LATS2: variants seen among roughly 807,000 people sequenced by gnomAD.
LATS2 encodes the protein serine/threonine-protein kinase LATS2.
Under a neutral mutation model 76.0 loss-of-function variants are expected in LATS2, and 24 were observed. The observed-to-expected ratio is 0.32, with a 90% CI of 0.23 to 0.44. LATS2 has a LOEUF of 0.44. LATS2 is among the 20% of genes least tolerant of loss of function. The pLI is 1.00. For missense variants in LATS2, 1,286 were observed against 1,481.2 expected, an observed-to-expected ratio of 0.87 and a Z score of 2.16; for synonymous variants, 692 against 635.4, an observed-to-expected ratio of 1.09 and a Z score of -1.34.
At chr13:21,038,464 G>A (rs533365406) in intron 2 of LATS2, 1 of 152,130 alleles carries the variant, frequency 6.6e-6, no homozygotes, top group East Asian at 1.9e-4. Context: ...CAGCCGACCA[G>A]ACTGTTGAGA....
intron 2 of LATS2, among the ~76,000 whole-genome samples, chr13:20,999,342 T>C (rs184534140): frequency 1.5e-4 from 23 of 152,352 alleles, no homozygotes; most frequent in Admixed American, 2.6e-4. Context: ...GTACAAACCA[T>C]ACGTCTTTTT....
At chr13:20,990,012 C>G (rs751950050) in intron 3 of LATS2, among the ~76,000 whole-genome samples, 7 of 152,222 alleles carry the variant, frequency 4.6e-5, no homozygotes. Context: ...AACTGCTCCA[C>G]TTGGCTCGGC....
chr13:21,023,712 G>A (rs949136363), intron 2 of LATS2, among the ~76,000 whole-genome samples: 8 of 133,372 alleles, frequency 6.0e-5, no homozygotes. Flanking sequence ...AGTGGCTGAC[G>A]CCTGTAATTC....
chr13:21,009,942 G>A (rs1454392421), intron 2 of LATS2, among the ~76,000 whole-genome samples: 3 of 152,196 alleles, frequency 2.0e-5, no homozygotes, highest in Non-Finnish European at 4.4e-5. Flanking sequence ...GCTCATGCCT[G>A]TAATCCCAGC....
chr13:21,008,174 C>T (rs944343804), intron 2 of LATS2, among the ~76,000 whole-genome samples: 17 of 151,156 alleles, frequency 1.1e-4, no homozygotes, highest in African/African-American at 3.9e-4. Flanking sequence ...CAGTGGTGCT[C>T]GCTGCTGCAT....
intron 1 of LATS2, among the ~76,000 whole-genome samples, chr13:21,050,775 T>G (rs568389410): frequency 1.3e-5 from 2 of 152,232 alleles, no homozygotes; most frequent in Admixed American, 6.5e-5. Context: ...GAAGAGCGAC[T>G]GGCAGAGCCC....
chr13:20,975,479 T>A, intron 7 of LATS2, 115 bp from the exon 8 acceptor site: 1 of 1,095,272 alleles, frequency 9.1e-7, no homozygotes, highest in Non-Finnish European at 1.3e-6. Context: ...GGAGAGGAGT[T>A]AGAATAGACA....
intron 2 of LATS2, among the ~76,000 whole-genome samples, chr13:20,994,684 C>T (rs923329323): frequency 2.0e-5 from 3 of 151,974 alleles, no homozygotes; most frequent in African/African-American, 4.8e-5. Context: ...TGCTTGAGCC[C>T]GGGAGTTTGA....
intron 2 of LATS2, among the ~76,000 whole-genome samples, chr13:21,000,025 A>G (rs1354188492): frequency 6.6e-6 from 1 of 152,116 alleles, no homozygotes; most frequent in African/African-American, 2.4e-5. Flanking sequence ...AAACAAAACA[A>G]AGAAACACTG....
At chr13:21,054,668 G>T in intron 1 of LATS2, among the ~76,000 whole-genome samples, 1 of 152,212 alleles carries the variant, frequency 6.6e-6, no homozygotes, top group East Asian at 1.9e-4. Flanking sequence ...GGGCAGTCGA[G>T]ACTGGACATT....
At chr13:20,987,204 T>G (rs1054169093) in intron 4 of LATS2, among the ~76,000 whole-genome samples, 1 of 98,252 alleles carries the variant, frequency 1.0e-5, no homozygotes, top group Non-Finnish European at 2.1e-5. Flanking sequence ...AAAAATAAAT[T>G]AAAAAATAAA....
chr13:20,996,823 G>A (rs904060077), intron 2 of LATS2, among the ~76,000 whole-genome samples: 2 of 152,134 alleles, frequency 1.3e-5, no homozygotes, highest in African/African-American at 2.4e-5. Context: ...AGAGTCTGAC[G>A]GGCTCTTACC....
chr13:21,005,795 C>T (rs1156647912), intron 2 of LATS2: 1 of 126,724 alleles, frequency 7.9e-6, no homozygotes, highest in African/African-American at 3.0e-5. Context: ...CAGAGTGAGA[C>T]CCCTACTCTA....
intron 1 of LATS2, among the ~76,000 whole-genome samples, chr13:21,049,463 C>T (rs946842763): frequency 7.9e-5 from 12 of 152,114 alleles, no homozygotes; most frequent in Admixed American, 3.9e-4. Flanking sequence ...GACATTTGCC[C>T]GGCCAGAGGC....
intron 1 of LATS2, among the ~76,000 whole-genome samples, chr13:21,049,085 T>C (rs1318846260): frequency 6.6e-6 from 1 of 152,110 alleles, no homozygotes; most frequent in Non-Finnish European, 1.5e-5. Context: ...GAACAGCATA[T>C]GCAAAGAAGC....
At chr13:21,058,475 T>C (rs751075564) in intron 1 of LATS2, among the ~76,000 whole-genome samples, 1 of 149,618 alleles carries the variant, frequency 6.7e-6, no homozygotes, top group African/African-American at 2.4e-5. Flanking sequence ...ATTTACAACA[T>C]AGCATTTAAA....
chr13:21,012,936 C>T (rs1871656249), intron 2 of LATS2, among the ~76,000 whole-genome samples: 1 of 152,140 alleles, frequency 6.6e-6, no homozygotes, highest in South Asian at 2.1e-4. Flanking sequence ...GAAAATGCTC[C>T]AAGTACTTGT....
At position 21,006,392 on chromosome 13, in the gene LATS2, A is replaced by C. The variant is rs138557269; in HGVS notation, c.343-14988T>G. Reference sequence around the variant, plus strand: ...GTACATCCCTTAAAAAAGTGAGCAGACAGCCAGCTTAGCCCTGCGGAGACT... The same window carrying C: ...GTACATCCCTTAAAAAAGTGAGCAGCCAGCCAGCTTAGCCCTGCGGAGACT... On this transcript the variant is annotated intron_variant, in intron 2 of 7. Transcript: ENST00000382592. Among the ~76,000 whole-genome samples, 45 of 152,242 alleles carry C rather than the reference A, an allele frequency of 3.0e-4. No homozygotes were observed. In the East Asian group the frequency reaches 3.5e-3, roughly 12 times the overall value.
chr13:21,053,710 T>A (rs1005891376), intron 1 of LATS2, among the ~76,000 whole-genome samples: 8 of 152,210 alleles, frequency 5.3e-5, no homozygotes, highest in African/African-American at 1.9e-4. Context: ...AGAACAAAAG[T>A]CGCAGAACTA....
Sources: gnomAD v4.1 joint callset for allele counts (sites outside exome capture counted in the v4.1 genomes callset) on GRCh38, gnomAD v4.1.1 for gene constraint, MANE v1.5 for transcripts, NCBI Gene and HGNC (gene_info 2026-07-23, HGNC 2026-07-21) for gene names.